Variants in MRAS observed in about 807,000 individuals in gnomAD.
MRAS encodes ras-related protein M-Ras.
MRAS carries 4 observed loss-of-function variants against 20.9 expected under a neutral mutation model. The observed-to-expected ratio is 0.19, with a 90% CI of 0.09 to 0.44. The LOEUF (loss-of-function observed/expected upper bound fraction) is 0.44. MRAS is among the 20% of genes least tolerant of loss of function. MRAS has a pLI of 0.99. For missense variants in MRAS, 154 were observed against 277.5 expected (o/e 0.56, Z 3.16); for synonymous variants, 98 against 102.9 (o/e 0.95, Z 0.29).
Position 138,403,022 on chromosome 3 carries a change from A to C in MRAS, c.*753A>C, listed in dbSNP as rs995393444. ...AGGATTTTCCTATGGTTGGGGATGC[A>C]AATATTAGAAAACAGATTGTATTTT... On this transcript the variant is annotated 3_prime_UTR_variant, in exon 6 of 6. Coordinates refer to ENST00000423968, the MANE Select transcript of MRAS (RefSeq NM_001085049.3). 5.3e-5 allele frequency: 8 copies of C among 152,350 alleles called. No individual in the cohort carries two copies. The highest frequency in any genetic ancestry group is 1.9e-4 in the African/African-American group (8 of 41,468). 9.4% of individuals were successfully genotyped at this position (152,350 alleles called of 1,614,324 possible).
chr3:138,393,248 A>G (rs541410884), intron 2 of MRAS, among the ~76,000 whole-genome samples: 3 of 152,208 alleles, frequency 2.0e-5, no homozygotes, highest in African/African-American at 4.8e-5. Context: ...AAAAATTTGT[A>G]GAGATGGGGT....
At chr3:138,350,679 CT>C (rs2054209228) in intron 1 of MRAS, among the ~76,000 whole-genome samples, 1 of 152,156 alleles carries the variant, frequency 6.6e-6, no homozygotes, top group African/African-American at 2.4e-5. Context: ...ACAGGTTTAA[CT>C]TTTATGTTAT....
chr3:138,351,995 G>T (rs2054237999), intron 1 of MRAS, among the ~76,000 whole-genome samples: 1 of 152,216 alleles, frequency 6.6e-6, no homozygotes, highest in African/African-American at 2.4e-5. Context: ...TAAGCCCATT[G>T]TGCAGCCAAG....
intron 2 of MRAS, among the ~76,000 whole-genome samples, chr3:138,385,269 C>A (rs1329904214): frequency 6.8e-6 from 1 of 147,950 alleles, no homozygotes; most frequent in Non-Finnish European, 1.5e-5. Flanking sequence ...CCGCAGTCCT[C>A]CCACCTCAGT....
intron 1 of MRAS, among the ~76,000 whole-genome samples, chr3:138,351,233 T>G (rs1478762878): frequency 7.0e-6 from 1 of 142,368 alleles, no homozygotes; most frequent in South Asian, 2.5e-4. Flanking sequence ...CTGAAAGCAA[T>G]TGAAAAACAT....
chr3:138,369,565 TTCC>T (rs1159374923), intron 1 of MRAS, among the ~76,000 whole-genome samples: 1 of 152,100 alleles, frequency 6.6e-6, no homozygotes, highest in East Asian at 1.9e-4. Flanking sequence ...GGCCTGGACT[TTCC>T]TCCTCAGCAT....
chr3:138,364,103 G>A (rs1467443972), intron 1 of MRAS, among the ~76,000 whole-genome samples: 2 of 152,100 alleles, frequency 1.3e-5, no homozygotes, highest in African/African-American at 2.4e-5. Context: ...GTAGTGATTC[G>A]GTGGCCAGCT....
rs76852836 is a variant in MRAS, at chr3:138,352,526, A to C, written c.-19+3759A>C. On this transcript the variant is annotated intron_variant, in intron 1 of 5. Coordinates refer to ENST00000423968, the MANE Select transcript of MRAS (RefSeq NM_001085049.3). ...TTTTGGTTATATGTTATATATAAAA[A>C]TGTATTTTTTGTATTTTGCTTCTTA... Among the ~76,000 whole-genome samples, 1,500 of 152,276 alleles carry C rather than the reference A, an allele frequency of 9.9e-3. 23 individuals are homozygous for C. The highest frequency in any genetic ancestry group is 0.034 in the African/African-American group (1,401 of 41,544).
intron 1 of MRAS, among the ~76,000 whole-genome samples, chr3:138,365,394 G>T (rs1411618180): frequency 1.3e-5 from 2 of 152,214 alleles, no homozygotes; most frequent in African/African-American, 2.4e-5. Flanking sequence ...GTTATTGACA[G>T]TTGCCATATG....
At chr3:138,400,789 C>T (rs1453083578) in intron 5 of MRAS, among the ~76,000 whole-genome samples, 176 bp downstream of exon 5, 1 of 152,186 alleles carries the variant, frequency 6.6e-6, no homozygotes, top group Non-Finnish European at 1.5e-5. Flanking sequence ...TTTCCACCTA[C>T]CTCTGCCCTC....
intron 2 of MRAS, among the ~76,000 whole-genome samples, chr3:138,379,820 T>A (rs1237673148): frequency 2.0e-5 from 3 of 151,924 alleles, no homozygotes; most frequent in Admixed American, 6.5e-5. Flanking sequence ...ATATACTGAT[T>A]TCCTTTCCTT....
Position 138,402,504 on chromosome 3 carries a change from A to G in MRAS, c.*235A>G. ...CACCTGTAAGCAGAAGCAGCATCCA[A>G]GTGCCCCTGGCCCCCCCATGTGTTG... is the stretch of plus-strand genomic sequence containing the variant. On this transcript the variant is annotated 3_prime_UTR_variant, in exon 6 of 6. Coordinates refer to ENST00000423968, the MANE Select transcript of MRAS (RefSeq NM_001085049.3). The G allele has an allele frequency of 2.1e-6, 1 of 470,170 alleles. No individual in the cohort carries two copies. Among genetic ancestry groups the G allele is most frequent in the African/African-American group, 2.0e-5 (1 of 50,972 alleles). 29.1% of individuals were successfully genotyped at this position (470,170 alleles called of 1,614,324 possible).
chr3:138,383,292 G>T (rs2054942722), intron 2 of MRAS, among the ~76,000 whole-genome samples: 1 of 152,088 alleles, frequency 6.6e-6, no homozygotes, highest in African/African-American at 2.4e-5. Context: ...AGATGCTATT[G>T]TTGCAGTGAT....
At chr3:138,382,973 A>C (rs34140440) in intron 2 of MRAS, among the ~76,000 whole-genome samples, 2 of 152,074 alleles carry the variant, frequency 1.3e-5, no homozygotes, top group Non-Finnish European at 2.9e-5. Context: ...TGTTGCCTCT[A>C]TCAGCCTGTG....
At chr3:138,364,794 T>C (rs1173245769) in intron 1 of MRAS, among the ~76,000 whole-genome samples, 1 of 152,170 alleles carries the variant, frequency 6.6e-6, no homozygotes, top group East Asian at 1.9e-4. Flanking sequence ...GTGGGAAGTG[T>C]TTATTTTTGG....
chr3:138,356,854 C>A (rs999175054), intron 1 of MRAS, among the ~76,000 whole-genome samples: 3 of 152,224 alleles, frequency 2.0e-5, no homozygotes, highest in Non-Finnish European at 4.4e-5. Context: ...TTAAGGCCAG[C>A]TGGCATCATA....
At chr3:138,387,728 T>G (rs2055046270) in intron 2 of MRAS, among the ~76,000 whole-genome samples, 1 of 152,188 alleles carries the variant, frequency 6.6e-6, no homozygotes, top group Non-Finnish European at 1.5e-5. Context: ...CCTTTCTCCT[T>G]TCTTCTCTTC....
rs1029140006 is a variant in MRAS, at chr3:138,373,015, C to T, written c.132C>T (p.Pro44=). The part of the protein sequence containing the change: ...FQKIFVPDYD[P]TIEDSYLKHT... ...AGATCTTTGTGCCTGACTATGACCC[C>T]ACCATTGAAGACTCCTACCTGAAAC... The change falls in exon 2 of 6, where the codon CCC becomes CCT. Residue 44 remains proline (P), a synonymous_variant. Transcript: ENST00000423968. The T allele has an allele frequency of 4.5e-6, 7 of 1,556,298 alleles. No individual in the cohort carries two copies. The highest frequency in any genetic ancestry group is 2.8e-5 in the African/African-American group (2 of 71,110).
At chr3:138,377,793 G>A (rs1056712758) in intron 2 of MRAS, among the ~76,000 whole-genome samples, 1 of 152,260 alleles carries the variant, frequency 6.6e-6, no homozygotes, top group Admixed American at 6.5e-5. Flanking sequence ...GCAGCACGAT[G>A]ATGAGGAGAA....
Sources: gnomAD v4.1 joint callset for allele counts (sites outside exome capture counted in the v4.1 genomes callset) on GRCh38, gnomAD v4.1.1 for gene constraint, MANE v1.5 for transcripts, NCBI Gene and HGNC (gene_info 2026-07-23, HGNC 2026-07-21) for gene names.